ZNF10: variants seen among roughly 807,000 people sequenced by gnomAD.
ZNF10 encodes zinc finger protein 10.
In ZNF10, 8 loss-of-function variants were observed where a neutral mutation model predicts 12.2. The observed-to-expected ratio is 0.66, with a 90% CI of 0.39 to 1.18. The LOEUF (loss-of-function observed/expected upper bound fraction) is 1.18. ZNF10 is among the 50% of genes most tolerant of loss of function. ZNF10 has a pLI of 0.01. For synonymous variants in ZNF10, 229 were observed against 228.2 expected (o/e 1.00, Z -0.03); for missense variants, 603 against 678.9 (o/e 0.89, Z 1.24).
intron 1 of ZNF10, 184 bp from the exon 2 acceptor site, chr12:133,144,250 G>C: frequency 2.7e-6 from 1 of 373,234 alleles, no homozygotes. Flanking sequence ...AATTTATGTA[G>C]CTCTTCTCTT....
At chr12:133,145,122 G>T (rs1459066845) in intron 2 of ZNF10, among the ~76,000 whole-genome samples, 2 of 152,104 alleles carry the variant, frequency 1.3e-5, no homozygotes, top group Non-Finnish European at 2.9e-5. Flanking sequence ...CAGGTGATCC[G>T]CCTGCCTCGG....
intron 2 of ZNF10, among the ~76,000 whole-genome samples, chr12:133,145,638 G>C (rs1279601360): frequency 1.4e-5 from 2 of 142,732 alleles, no homozygotes; most frequent in Admixed American, 7.0e-5. Flanking sequence ...GTAAGACCCT[G>C]TCTCTACTGA....
intron 1 of ZNF10, among the ~76,000 whole-genome samples, chr12:133,138,345 T>C (rs1955924502): frequency 6.6e-6 from 1 of 150,578 alleles, no homozygotes; most frequent in East Asian, 1.9e-4. Context: ...AATGAGATCC[T>C]ATTGAAAATT....
At chr12:133,145,130 C>T (rs568779566) in intron 2 of ZNF10, among the ~76,000 whole-genome samples, 12 of 152,278 alleles carry the variant, frequency 7.9e-5, no homozygotes, top group African/African-American at 2.4e-4. Context: ...CCGCCTGCCT[C>T]GGCCTCCCAA....
At chr12:133,134,261 C>A (rs983830490) in intron 1 of ZNF10, among the ~76,000 whole-genome samples, 1 of 151,516 alleles carries the variant, frequency 6.6e-6, no homozygotes, top group African/African-American at 2.4e-5. Flanking sequence ...TGCAATGAGC[C>A]GAGATTGCTT....
intron 4 of ZNF10, among the ~76,000 whole-genome samples, chr12:133,152,191 C>T (rs1593846323): frequency 6.6e-6 from 1 of 152,188 alleles, no homozygotes; most frequent in Non-Finnish European, 1.5e-5. Context: ...CATAGAATCA[C>T]TTCTTGCATT....
In ZNF10 at chr12:133,132,518, C is replaced by CA. The variant is rs199798071; in HGVS notation, c.-60+1773dup. On this transcript the variant is annotated intron_variant, in intron 1 of 4. Transcript: ENST00000248211. ...GAGCAACAAGAGCGAAACTCCGTCT[C>CA]AAAAAAAAAGTATTTTAAGGAAAAA... Among the ~76,000 whole-genome samples the CA allele has an allele frequency of 8.0e-3, 1,198 of 149,384 alleles. 19 individuals carry two copies. The highest frequency in any genetic ancestry group is 0.028 in the African/African-American group (1,145 of 40,902).
intron 1 of ZNF10, among the ~76,000 whole-genome samples, chr12:133,134,592 T>G (rs1445382166): frequency 6.6e-6 from 1 of 152,218 alleles, no homozygotes; most frequent in Non-Finnish European, 1.5e-5. Flanking sequence ...AAATGTGTGT[T>G]GTTGAAAACC....
intron 2 of ZNF10, among the ~76,000 whole-genome samples, chr12:133,149,364 T>TC (rs1955994925): frequency 1.4e-5 from 2 of 146,726 alleles, no homozygotes; most frequent in Admixed American, 6.8e-5. Flanking sequence ...TTTTTTTTTT[T>TC]TTTTTTTTTT....
At chr12:133,153,774 T>A (rs1956022477) in intron 4 of ZNF10, among the ~76,000 whole-genome samples, 1 of 152,194 alleles carries the variant, frequency 6.6e-6, no homozygotes, top group African/African-American at 2.4e-5. Flanking sequence ...AACCAAAATG[T>A]ATCATGTCAC....
chr12:133,155,572 G>A lies in ZNF10; in HGVS notation c.326G>A (p.Cys109Tyr). ...AGCATTTTTAAAGATAAGCAATCCT[G>A]TGACATTAAAATGGAAGGAATGGCA... ...SRSIFKDKQS[C>Y]DIKMEGMARN... The change falls in exon 5 of 5, where the codon TGT becomes TAT. Residue 109 changes from cysteine (C) to tyrosine (Y), a missense_variant. Coordinates refer to ENST00000248211, the MANE Select transcript of ZNF10 (RefSeq NM_015394.5). The A allele has an allele frequency of 6.2e-7, 1 of 1,612,066 alleles. No individual in the cohort carries two copies. The highest frequency in any genetic ancestry group is 8.5e-7 in the Non-Finnish European group (1 of 1,179,464).
In ZNF10 at chr12:133,152,596, A is replaced by C. The variant is rs137965766; in HGVS notation, c.256+692A>C. On this transcript the variant is annotated intron_variant, in intron 4 of 4. Coordinates refer to ENST00000248211, the MANE Select transcript of ZNF10 (RefSeq NM_015394.5). ...ACGCCCAGCTAATTTTTGTATTTTT[A>C]GGAGAGATAGGGTTTTACCATGTTG... 4.9e-3 allele frequency among the ~76,000 whole-genome samples: 746 copies of C among 152,250 alleles called. 5 individuals are homozygous for C. The highest frequency in any genetic ancestry group is 0.018 in the African/African-American group (732 of 41,540).
At position 133,155,964 on chromosome 12, in the gene ZNF10, T is replaced by C; in HGVS notation, c.718T>C (p.Cys240Arg). 6.2e-7 allele frequency: 1 copy of C among 1,614,078 alleles called. No homozygotes were observed. Among genetic ancestry groups the C allele is most frequent in the Non-Finnish European group, 8.5e-7 (1 of 1,180,012 alleles). Residue 240 changes from cysteine (C) to arginine (R), a missense_variant, in exon 5 of 5, where the codon TGC (cysteine) becomes CGC (arginine). Transcript: ENST00000248211. ...TCACACAGGTGATAAATCCTACAAA[T>C]GCCCTGATAATGACAACTCTCTTAC... ...RTHTGDKSYK[C>R]PDNDNSLTHG... is the part of the protein sequence containing the mutation.
intron 1 of ZNF10, chr12:133,143,679 A>G (rs752803544): frequency 5.3e-5 from 8 of 152,174 alleles, no homozygotes; most frequent in African/African-American, 1.7e-4. Context: ...GTAATTGGCT[A>G]TATTAGTTTT....
Position 133,155,821 on chromosome 12 carries a change from C to G in ZNF10, c.575C>G (p.Thr192Ser). ...TATTTCCATAAACGTGACTCACATA[C>G]TAAAAGTTTAAAACATGATTTAGTT... ...REYFHKRDSH[T>S]KSLKHDLVLN... The change falls in exon 5 of 5, where the codon ACT becomes AGT. Residue 192 changes from threonine to serine, a missense_variant. Transcript: ENST00000248211. 2.5e-6 allele frequency: 4 copies of G among 1,613,756 alleles called. No individual in the cohort carries two copies. The highest frequency in any genetic ancestry group is 3.4e-6 in the Non-Finnish European group (4 of 1,179,876).
rs533766742 is a variant in ZNF10, at chr12:133,131,790, A to G, written c.-60+1036A>G. Among the ~76,000 whole-genome samples, 20 of 152,344 alleles carry G rather than the reference A, an allele frequency of 1.3e-4. No homozygotes were observed. The South Asian group carries it at 1.9e-3, about 14-fold the overall frequency. On this transcript the variant is annotated intron_variant, in intron 1 of 4. Transcript: ENST00000248211. ...AGCATGCATTTCTTTAGCTCTTAGT[A>G]TATGCTAGTCACAAGGGCAGAGATT...
chr12:133,136,004 C>T (rs1955909123), intron 1 of ZNF10, among the ~76,000 whole-genome samples: 1 of 152,212 alleles, frequency 6.6e-6, no homozygotes, highest in Non-Finnish European at 1.5e-5. Flanking sequence ...TGATCATGGC[C>T]ATCTGTTGTT....
At chr12:133,149,403 G>C (rs1286799467) in intron 2 of ZNF10, among the ~76,000 whole-genome samples, 1 of 141,300 alleles carries the variant, frequency 7.1e-6, no homozygotes, top group East Asian at 2.1e-4. Context: ...TGTTGCACAG[G>C]CTAGAGTACA....
At chr12:133,140,637 C>T (rs542472870) in intron 1 of ZNF10, among the ~76,000 whole-genome samples, 36 of 151,606 alleles carry the variant, frequency 2.4e-4, no homozygotes, top group African/African-American at 5.6e-4. Flanking sequence ...TATTCCATCT[C>T]GGCTGGAAGC....
Sources: gnomAD v4.1 joint callset for allele counts (sites outside exome capture counted in the v4.1 genomes callset) on GRCh38, gnomAD v4.1.1 for gene constraint, MANE v1.5 for transcripts, NCBI Gene and HGNC (gene_info 2026-07-23, HGNC 2026-07-21) for gene names.